Variants in TNRC6B observed in about 807,000 individuals in gnomAD.
TNRC6B encodes trinucleotide repeat-containing gene 6B protein.
In TNRC6B, 52 loss-of-function variants were observed where a neutral mutation model predicts 203.6. The observed-to-expected ratio is 0.26, with a 90% CI of 0.20 to 0.32. The LOEUF (loss-of-function observed/expected upper bound fraction) is 0.32. Ranked by LOEUF, TNRC6B falls within the 10% of genes least tolerant of loss-of-function variation. The probability of loss-of-function intolerance (pLI) is 1.00; values close to 1 mark genes in which losing one functional copy is unlikely to be tolerated. For synonymous variants in TNRC6B, 838 were observed against 845.7 expected, an observed-to-expected ratio of 0.99 and a Z score of 0.16; for missense variants, 1,923 against 2,286.2, an observed-to-expected ratio of 0.84 and a Z score of 3.24.
chr22:40,082,923 C>T (rs902289026), intron 1 of TNRC6B, among the ~76,000 whole-genome samples: 1 of 152,010 alleles, frequency 6.6e-6, no homozygotes, highest in Non-Finnish European at 1.5e-5. Context: ...ATATTAAGTC[C>T]GAGATGCTTT....
In TNRC6B at chr22:40,109,090, G is replaced by A. The variant is rs144377482; in HGVS notation, c.-120-7965G>A. On this transcript the variant is annotated intron_variant, in intron 1 of 23. Transcript: ENST00000301923. Reference sequence around the variant, plus strand: ...AGGATAATGGCTTCCAGCTGCATCCGTGTTCCTGCGAAGCACATGATCTCA... The same window carrying A: ...AGGATAATGGCTTCCAGCTGCATCCATGTTCCTGCGAAGCACATGATCTCA... Among the ~76,000 whole-genome samples the A allele has an allele frequency of 1.6e-4, 24 of 152,222 alleles. No individual in the cohort carries two copies. In the East Asian group the frequency reaches 2.7e-3, roughly 17 times the overall value.
intron 3 of TNRC6B, among the ~76,000 whole-genome samples, chr22:40,151,211 C>G (rs1244438309): frequency 6.6e-6 from 1 of 151,154 alleles, no homozygotes; most frequent in Non-Finnish European, 1.5e-5. Flanking sequence ...GTGGAAGTTG[C>G]AGTGAGCCGA....
intron 1 of TNRC6B, among the ~76,000 whole-genome samples, chr22:40,116,870 A>G (rs769051809): frequency 2.0e-5 from 3 of 152,176 alleles, no homozygotes; most frequent in Non-Finnish European, 4.4e-5. Flanking sequence ...AACCCTATGA[A>G]GAAGGTGTTG....
At chr22:40,236,974 G>T (rs1390827532) in intron 1 of TNRC6B, among the ~76,000 whole-genome samples, 1 of 152,116 alleles carries the variant, frequency 6.6e-6, no homozygotes, top group African/African-American at 2.4e-5. Context: ...AGACCAGCCT[G>T]ACCAACATGG....
chr22:40,207,418 A>AAAAAAAAT (rs1475466762), intron 1 of TNRC6B, among the ~76,000 whole-genome samples: 2 of 128,878 alleles, frequency 1.6e-5, no homozygotes, highest in Admixed American at 8.0e-5. Flanking sequence ...AAAAAAAAAA[A>AAAAAAAAT]ATATATATAT....
At chr22:40,208,859 A>G (rs1014051219) in intron 1 of TNRC6B, among the ~76,000 whole-genome samples, 5 of 152,196 alleles carry the variant, frequency 3.3e-5, no homozygotes, top group African/African-American at 4.8e-5. Flanking sequence ...TTCTTTGCCA[A>G]TGAGAGATGC....
chr22:40,173,258 G>A (rs1023948247), upstream of TNRC6B, among the ~76,000 whole-genome samples: 4 of 151,744 alleles, frequency 2.6e-5, no homozygotes, highest in East Asian at 5.8e-4. Flanking sequence ...CACCACGCCC[G>A]GCTAATTTTT....
chr22:40,132,580 G>A (rs1204761732), intron 3 of TNRC6B, among the ~76,000 whole-genome samples: 1 of 149,988 alleles, frequency 6.7e-6, no homozygotes, highest in African/African-American at 2.5e-5. Context: ...GGGAGGCAGA[G>A]GTTGCAGTGA....
intron 3 of TNRC6B, among the ~76,000 whole-genome samples, chr22:40,142,705 G>T (rs930891622): frequency 6.6e-6 from 1 of 151,950 alleles, no homozygotes; most frequent in African/African-American, 2.4e-5. Flanking sequence ...CTTTTTTTCA[G>T]AAGTCAAGCA....
chr22:40,271,702 A>G (rs1390005703), intron 6 of TNRC6B, among the ~76,000 whole-genome samples: 1 of 152,228 alleles, frequency 6.6e-6, no homozygotes, highest in Non-Finnish European at 1.5e-5. Context: ...TGTCTTTCCC[A>G]ACCTCAGGAT....
chr22:40,063,621 A>G (rs746693962), intron 1 of TNRC6B, among the ~76,000 whole-genome samples: 9 of 151,282 alleles, frequency 5.9e-5, no homozygotes, highest in Non-Finnish European at 1.0e-4. Context: ...TAAGTGTTGC[A>G]CTTCTTTTGT....
intron 1 of TNRC6B, among the ~76,000 whole-genome samples, chr22:40,203,883 G>T (rs1187325519): frequency 6.6e-6 from 1 of 152,188 alleles, no homozygotes; most frequent in Non-Finnish European, 1.5e-5. Flanking sequence ...TCCAGCATCG[G>T]CGTGGGCCTC....
chr22:40,182,493 C>T (rs1267383352), intron 1 of TNRC6B, among the ~76,000 whole-genome samples: 2 of 152,114 alleles, frequency 1.3e-5, no homozygotes, highest in South Asian at 4.1e-4. Flanking sequence ...GCCACTTGGC[C>T]AGAAAAGGGA....
chr22:40,321,172 C>T lies in TNRC6B; in HGVS notation c.5057C>T (p.Ala1686Val). Residue 1686 changes from alanine (A) to valine (V), a missense_variant, in exon 22 of 23, where the codon GCC (alanine) becomes GTC (valine). Physicochemically the swap from Ala to Val is moderately conservative, Grantham distance 64. Transcript: ENST00000454349. ...CATCTGAATCTAACCCAGGGCACTG[C>T]CCTGATCCGATACAGCACCAAACAG... ...TFHLNLTQGT[A>V]LIRYSTKQEA... 6.2e-7 allele frequency: 1 copy of T among 1,614,012 alleles called. No individual in the cohort carries two copies. The highest frequency in any genetic ancestry group is 8.5e-7 in the Non-Finnish European group (1 of 1,179,900).
At chr22:40,066,217 C>T (rs898591891) in intron 1 of TNRC6B, among the ~76,000 whole-genome samples, 9 of 152,084 alleles carry the variant, frequency 5.9e-5, no homozygotes, top group East Asian at 1.9e-4. Context: ...CTTCATTTGC[C>T]GTGTCTCAGG....
intron 4 of TNRC6B, among the ~76,000 whole-genome samples, chr22:40,172,010 C>T (rs1467364788): frequency 1.3e-5 from 2 of 148,796 alleles, no homozygotes; most frequent in African/African-American, 2.5e-5. Context: ...ACAGGCACAC[C>T]ACCATGCCCA....
chr22:40,227,762 CTG>C (rs753406449), intron 1 of TNRC6B, among the ~76,000 whole-genome samples: 2 of 152,088 alleles, frequency 1.3e-5, no homozygotes, highest in East Asian at 1.9e-4. Flanking sequence ...AAAAGAAAAA[CTG>C]TGTCGAACCA....
At chr22:40,210,487 A>T (rs776350542) in intron 1 of TNRC6B, among the ~76,000 whole-genome samples, 1 of 152,234 alleles carries the variant, frequency 6.6e-6, no homozygotes, top group East Asian at 1.9e-4. Context: ...GGGAGTTTGT[A>T]TATCAGTTTC....
At chr22:40,144,550 C>A (rs1457138152) in intron 3 of TNRC6B, among the ~76,000 whole-genome samples, 2 of 151,976 alleles carry the variant, frequency 1.3e-5, no homozygotes, top group Non-Finnish European at 2.9e-5. Flanking sequence ...TGGCGGGCAC[C>A]TGTAGTCCCA....
Sources: allele counts gnomAD v4.1 joint callset (sites outside exome capture counted in the v4.1 genomes callset), GRCh38; gene constraint gnomAD v4.1.1; transcripts MANE v1.5; gene names NCBI Gene and HGNC (gene_info 2026-07-23, HGNC 2026-07-21).